The following PRKN variants were observed in gnomAD, a reference collection of about 807,000 sequenced individuals.
PRKN encodes E3 ubiquitin-protein ligase parkin.
A neutral mutation model predicts 59.5 loss-of-function variants in PRKN; 56 were observed. That is an observed-to-expected ratio of 0.94 (90% CI 0.76 to 1.18). The LOEUF is 1.18. Among genes scored for constraint, PRKN ranks in the 50% most tolerant of loss-of-function variants. PRKN has a pLI of 0.00. For missense variants in PRKN, 657 were observed against 596.4 expected, an observed-to-expected ratio of 1.10 and a Z score of -1.06; for synonymous variants, 250 against 222.1, an observed-to-expected ratio of 1.13 and a Z score of -1.12.
rs1378981846 is a variant in PRKN at position 161,373,074 on chromosome 6, G to A, written c.1168-12869C>T. ...GATCCTCCCACCCTGGCCTCCCAAA[G>A]TGTGGGGCTGCCGGTGTGAACCACC... On this transcript the variant is annotated intron_variant, in intron 10 of 11. Coordinates refer to ENST00000366898, the MANE Select transcript of PRKN (RefSeq NM_004562.3). This position sits in a 1 kb window ranked among gnomAD's most constrained non-coding sequence, Gnocchi z 4.8. Among the ~76,000 whole-genome samples the A allele has an allele frequency of 1.3e-5, 2 of 152,078 alleles. No homozygotes were observed. Among genetic ancestry groups the A allele is most frequent in the African/African-American group, 2.4e-5 (1 of 41,410 alleles).
At position 162,618,022 on chromosome 6, in the gene PRKN, A is replaced by G. The variant is rs1241504689; in HGVS notation, c.7+109640T>C. 3.3e-5 allele frequency among the ~76,000 whole-genome samples: 5 copies of G among 152,218 alleles called. No homozygotes were observed. The East Asian group carries it at 7.7e-4, about 23-fold the overall frequency. The stretch of plus-strand genomic sequence containing the variant: ...AGGAATTTTCCCAGGACGGCAGCTG[A>G]TAAGTGGTAGACTGAGGGTTTAAAC... On this transcript the variant is annotated intron_variant, in intron 1 of 11. Coordinates refer to ENST00000366898, the MANE Select transcript of PRKN (RefSeq NM_004562.3).
intron 7 of PRKN, among the ~76,000 whole-genome samples, chr6:161,571,747 G>A (rs1213810411): frequency 1.3e-5 from 2 of 152,184 alleles, no homozygotes; most frequent in Non-Finnish European, 2.9e-5. Context: ...GGGTGGGTGT[G>A]TGAGAGTGTT....
chr6:161,982,252 AGAG>A (rs1562436791), intron 5 of PRKN, among the ~76,000 whole-genome samples: 1 of 149,576 alleles, frequency 6.7e-6, no homozygotes, highest in East Asian at 1.9e-4. Flanking sequence ...AGGAAATAAA[AGAG>A]GAGACAAACA....
At position 161,976,832 on chromosome 6, in the gene PRKN, C is replaced by T. The variant is rs147557430; in HGVS notation, c.619-3415G>A. The stretch of plus-strand genomic sequence containing the variant: ...CAGATAAATAGATAGAAAGCACTTA[C>T]GTTTTTTCTTAGCTTACAGAAAGCT... On this transcript the variant is annotated intron_variant, in intron 5 of 11. Transcript: ENST00000366898. 5.9e-5 allele frequency among the ~76,000 whole-genome samples: 9 copies of T among 152,288 alleles called. No homozygotes were observed. In the East Asian group the frequency reaches 1.2e-3, roughly 20 times the overall value.
chr6:161,453,889 G>A (rs1357523993), intron 9 of PRKN, among the ~76,000 whole-genome samples: 1 of 151,328 alleles, frequency 6.6e-6, no homozygotes, highest in Non-Finnish European at 1.5e-5. Context: ...AATCAGTAAT[G>A]TACCAGTTGG....
At chr6:162,236,912 G>T (rs1278862497) in intron 3 of PRKN, among the ~76,000 whole-genome samples, 1 of 151,562 alleles carries the variant, frequency 6.6e-6, no homozygotes, top group African/African-American at 2.4e-5. Flanking sequence ...AGGAAGGAAG[G>T]AAGGAGAGAG....
intron 1 of PRKN, among the ~76,000 whole-genome samples, chr6:162,455,699 C>A (rs1790837996): frequency 6.6e-6 from 1 of 151,282 alleles, no homozygotes; most frequent in Non-Finnish European, 1.5e-5. Flanking sequence ...ATTGGTTTTA[C>A]ATCATGTCAA....
At position 162,185,547 on chromosome 6, in the gene PRKN, A is replaced by G. The variant is rs368854967; in HGVS notation, c.534+15584T>C. ...TCCGGTGTTATCTGCGTCCTTCATT[A>G]TAAGTGATTTCAAAATCTTTTTCCC... On this transcript the variant is annotated intron_variant, in intron 4 of 11. Coordinates refer to ENST00000366898, the MANE Select transcript of PRKN (RefSeq NM_004562.3). Among the ~76,000 whole-genome samples the G allele has an allele frequency of 1.2e-4, 18 of 152,340 alleles. No individual in the cohort carries two copies. The South Asian group carries it at 1.9e-3, about 16-fold the overall frequency.
chr6:161,995,166 G>A (rs1781795393), intron 5 of PRKN, among the ~76,000 whole-genome samples: 1 of 152,112 alleles, frequency 6.6e-6, no homozygotes, highest in African/African-American at 2.4e-5. Context: ...TTCAACAAAG[G>A]TAACAATGAC....
At position 161,550,723 on chromosome 6, in the gene PRKN, A is replaced by ATG. The variant is rs543930062; in HGVS notation, c.934-1722_934-1721dup. Among the ~76,000 whole-genome samples the ATG allele has an allele frequency of 2.6e-4, 31 of 119,344 alleles. No individual in the cohort carries two copies. The highest frequency in any genetic ancestry group is 7.3e-4 in the African/African-American group (23 of 31,562). 78.3% of individuals were successfully genotyped at this position (119,344 alleles called of 152,430 possible). A position where few individuals can be genotyped will look rare whatever the true frequency, so the allele number is the denominator to read the frequency against. On this transcript the variant is annotated intron_variant, in intron 8 of 11. Transcript: ENST00000366898. This position sits in a 1 kb window ranked among gnomAD's most constrained non-coding sequence, Gnocchi z 4.0. ...GGACAACTGTGGTAGAAGAAAGGGTATGTGTGTGTGTGCACGTGTGTGTGT... is the reference window on the plus strand; with the variant it reads ...GGACAACTGTGGTAGAAGAAAGGGTATGTGTGTGTGTGTGCACGTGTGTGTGT...
At chr6:162,020,332 C>CAAAAAAAAAAAAAAAAAAAAAAA (rs771141235) in intron 5 of PRKN, among the ~76,000 whole-genome samples, 52 of 45,512 alleles carry the variant, frequency 1.1e-3, no homozygotes, top group Middle Eastern at 0.024. Context: ...ACCAATGAAT[C>CAAAAAAAAAAAAAAAAAAAAAAA]AAAAAAAAAA....
chr6:161,909,012 C>CG (rs1445373833), intron 6 of PRKN, among the ~76,000 whole-genome samples: 1 of 152,070 alleles, frequency 6.6e-6, no homozygotes, highest in Non-Finnish European at 1.5e-5. Flanking sequence ...ATGTAAGGGG[C>CG]GCTGTGTCAC....
At chr6:161,541,986 T>G (rs1373548861) in intron 9 of PRKN, among the ~76,000 whole-genome samples, 1 of 152,144 alleles carries the variant, frequency 6.6e-6, no homozygotes, top group African/African-American at 2.4e-5. Flanking sequence ...TAAGTCCACT[T>G]GTATGTAGAT....
At chr6:162,582,819 G>C (rs567548390) in intron 1 of PRKN, among the ~76,000 whole-genome samples, 14 of 152,254 alleles carry the variant, frequency 9.2e-5, no homozygotes, top group African/African-American at 3.1e-4. Context: ...ATTAAATTCA[G>C]CAGCAAGGAA....
intron 1 of PRKN, among the ~76,000 whole-genome samples, chr6:162,637,636 CT>C (rs1390408534): frequency 3.9e-5 from 6 of 152,120 alleles, no homozygotes; most frequent in African/African-American, 1.4e-4. Flanking sequence ...TCATATTTGA[CT>C]TCTGTATTCT....
chr6:161,439,110 A>T lies in PRKN; in HGVS notation c.1084-52233T>A, dbSNP rs150431301. ...AAGTAAGGTGACCCTTGTCATAGTA[A>T]CATAATGCAGCAGGTCCCAGGTGTA... On this transcript the variant is annotated intron_variant, in intron 9 of 11. Transcript: ENST00000366898. Among the ~76,000 whole-genome samples, 611 of 152,360 alleles carry T rather than the reference A, an allele frequency of 4.0e-3. 1 individual carries two copies. Among genetic ancestry groups the T allele is most frequent in the Middle Eastern group, 6.8e-3 (2 of 294 alleles).
rs1779779510 is a variant in PRKN, at chr6:161,545,937, T to C, written c.1083+2917A>G. On this transcript the variant is annotated intron_variant, in intron 9 of 11. Transcript: ENST00000366898. The surrounding 1 kb of genome is among the most constrained non-coding windows in gnomAD (Gnocchi z 4.1). ...CATTTCCTGTGTAACGATCACAATA[T>C]AAACAAATGGCATGGTGGCAAAGTA... Among the ~76,000 whole-genome samples the C allele has an allele frequency of 6.6e-6, 1 of 152,200 alleles. No individual in the cohort carries two copies. Among genetic ancestry groups the C allele is most frequent in the Non-Finnish European group, 1.5e-5 (1 of 68,036 alleles).
intron 6 of PRKN, among the ~76,000 whole-genome samples, chr6:161,843,568 T>A (rs1042159518): frequency 6.6e-6 from 1 of 152,110 alleles, no homozygotes; most frequent in Non-Finnish European, 1.5e-5. Flanking sequence ...GGGAGATTAC[T>A]TAAGGTCAGG....
At chr6:162,496,724 G>A (rs1357139684) in intron 1 of PRKN, among the ~76,000 whole-genome samples, 1 of 152,164 alleles carries the variant, frequency 6.6e-6, no homozygotes, top group South Asian at 2.1e-4. Context: ...ATATCTATGT[G>A]ACAAAGCTGT....
Sources: allele counts gnomAD v4.1 joint callset (sites outside exome capture counted in the v4.1 genomes callset), GRCh38; gene constraint gnomAD v4.1.1; non-coding constraint Gnocchi (gnomAD v3.1); transcripts MANE v1.5; gene names NCBI Gene and HGNC (gene_info 2026-07-23, HGNC 2026-07-21).